The following COMMD1 variants were observed in gnomAD, a reference collection of about 807,000 sequenced individuals.
COMMD1 encodes COMM domain-containing protein 1.
A neutral mutation model predicts 17.2 loss-of-function variants in COMMD1; 10 were observed. That is an observed-to-expected ratio of 0.58 (90% CI 0.36 to 0.99). The LOEUF (loss-of-function observed/expected upper bound fraction) is 0.99, where lower values mean the gene tolerates loss of function less well. Among genes scored for constraint, COMMD1 ranks in the 50% least tolerant of loss-of-function variants. The probability of loss-of-function intolerance (pLI) is 0.01; values close to 1 mark genes in which losing one functional copy is unlikely to be tolerated. For synonymous variants in COMMD1, 97 were observed against 91.6 expected (o/e 1.06, Z -0.34); for missense variants, 270 against 231.8 (o/e 1.17, Z -1.07).
intron 2 of COMMD1, among the ~76,000 whole-genome samples, chr2:62,076,695 C>T (rs1009659704): frequency 3.3e-5 from 5 of 151,472 alleles, no homozygotes; most frequent in Admixed American, 2.6e-4. Flanking sequence ...TGCAGTGAGC[C>T]GAGATCACAC....
In COMMD1 at chr2:61,890,509, C is replaced by T. The variant is rs1486256587; in HGVS notation, n.119+1667C>T. Among the ~76,000 whole-genome samples the T allele has an allele frequency of 2.0e-5, 3 of 152,006 alleles. No individual in the cohort carries two copies. In the East Asian group the frequency reaches 5.8e-4, roughly 30 times the overall value. ...GCTAGGATTGCAGGCTTGGCGAGAGCCACCTCGCCAAGTTGTTCTTTAACA... is the reference window on the plus strand; with the variant it reads ...GCTAGGATTGCAGGCTTGGCGAGAGTCACCTCGCCAAGTTGTTCTTTAACA... On this transcript the variant is annotated intron_variant and non_coding_transcript_variant, in intron 1 of 2. Transcript: ENST00000472729.
At chr2:62,030,691 C>T (rs577614627) in intron 2 of COMMD1, among the ~76,000 whole-genome samples, 5 of 152,090 alleles carry the variant, frequency 3.3e-5, no homozygotes, top group Admixed American at 2.0e-4. Flanking sequence ...TTGTCATATA[C>T]GGTCTCTTAA....
intron 1 of COMMD1, chr2:61,915,556 A>G (rs1322156538): frequency 7.1e-6 from 2 of 283,522 alleles, no homozygotes; most frequent in South Asian, 6.4e-5. Context: ...TGGCATGATC[A>G]TGTCTCACTT....
rs1670195686 is a variant in COMMD1, at chr2:62,041,460, C to T, written c.462+40478C>T. Among the ~76,000 whole-genome samples the T allele has an allele frequency of 3.3e-5, 5 of 152,138 alleles. No individual in the cohort carries two copies. The South Asian group carries it at 8.3e-4, about 25-fold the overall frequency. On this transcript the variant is annotated intron_variant, in intron 2 of 2. Coordinates refer to ENST00000311832, the MANE Select transcript of COMMD1 (RefSeq NM_152516.4). ...CTCACTCTGTCACCACGTTGGAGTA[C>T]AGTGGTGCTATCATAGCTCACTGCA...
At chr2:62,101,633 A>G (rs1390355211) in intron 2 of COMMD1, among the ~76,000 whole-genome samples, 1 of 151,866 alleles carries the variant, frequency 6.6e-6, no homozygotes, top group Non-Finnish European at 1.5e-5. Flanking sequence ...ATATATATAT[A>G]TGGTCCCCAG....
chr2:61,918,318 T>C (rs1233145734), intron 1 of COMMD1, among the ~76,000 whole-genome samples: 4 of 152,246 alleles, frequency 2.6e-5, no homozygotes, highest in Non-Finnish European at 5.9e-5. Flanking sequence ...TGAACATTTT[T>C]GAGACTTTAG....
At chr2:62,116,611 G>C (rs1169726773) in intron 2 of COMMD1, among the ~76,000 whole-genome samples, 1 of 143,554 alleles carries the variant, frequency 7.0e-6, no homozygotes, top group Non-Finnish European at 1.5e-5. Flanking sequence ...GGCGGAGGTT[G>C]CAGTGAGCAA....
chr2:61,913,797 A>AG (rs1669975421), intron 1 of COMMD1, among the ~76,000 whole-genome samples: 3 of 90,900 alleles, frequency 3.3e-5, no homozygotes, highest in South Asian at 5.9e-4. Flanking sequence ...CTCCATCTCC[A>AG]AAAAAAAAAA....
chr2:62,003,886 G>T (rs767038027), intron 2 of COMMD1, among the ~76,000 whole-genome samples: 3 of 152,108 alleles, frequency 2.0e-5, no homozygotes, highest in Non-Finnish European at 4.4e-5. Context: ...TCAGTACTTT[G>T]GGAAGCTGAG....
intron 1 of COMMD1, among the ~76,000 whole-genome samples, chr2:61,968,073 A>G (rs1205550856): frequency 2.0e-5 from 3 of 152,172 alleles, no homozygotes; most frequent in African/African-American, 7.2e-5. Flanking sequence ...AGGCAGGAGA[A>G]CTGCTTGAAC....
At chr2:62,129,277 C>T (rs1455440370) in intron 2 of COMMD1, among the ~76,000 whole-genome samples, 1 of 152,180 alleles carries the variant, frequency 6.6e-6, no homozygotes, top group Non-Finnish European at 1.5e-5. Context: ...AATAACCTCT[C>T]TCTCCTCTTG....
chr2:62,085,221 A>ATTTTTTTTTTT (rs36006181), intron 2 of COMMD1, among the ~76,000 whole-genome samples: 2,896 of 144,008 alleles, frequency 0.02, 46 homozygotes, highest in East Asian at 0.061. Flanking sequence ...TACAGTTTGA[A>ATTTTTTTTTTT]TTTTTTTTTT....
intron 1 of COMMD1, among the ~76,000 whole-genome samples, chr2:61,971,307 C>T (rs574411992): frequency 3.9e-5 from 6 of 152,262 alleles, no homozygotes; most frequent in South Asian, 2.1e-4. Flanking sequence ...TCATTTGCTA[C>T]GGTTGGGTTG....
chr2:61,983,684 A>G (rs886501047), intron 1 of COMMD1, among the ~76,000 whole-genome samples: 3 of 151,710 alleles, frequency 2.0e-5, no homozygotes, highest in Non-Finnish European at 4.4e-5. Flanking sequence ...ATCAGTTGTA[A>G]TGTTTTCTTT....
intron 2 of COMMD1, among the ~76,000 whole-genome samples, chr2:62,010,643 C>T (rs1669251795): frequency 6.6e-6 from 1 of 152,154 alleles, no homozygotes; most frequent in Admixed American, 6.6e-5. Context: ...TTTCTCATCT[C>T]AGTTAGTGGC....
chr2:61,890,263 C>A (rs568947674), intron 1 of COMMD1, among the ~76,000 whole-genome samples: 30 of 152,210 alleles, frequency 2.0e-4, no homozygotes, highest in African/African-American at 6.7e-4. Context: ...CTCTTGTTGC[C>A]CAGGCTGGAG....
chr2:61,916,216 C>T (rs1238901854), intron 1 of COMMD1, among the ~76,000 whole-genome samples: 1 of 152,204 alleles, frequency 6.6e-6, no homozygotes, highest in Non-Finnish European at 1.5e-5. Context: ...CCTGCCTTGG[C>T]ATCCCAAAGT....
intron 2 of COMMD1, among the ~76,000 whole-genome samples, chr2:62,081,020 A>G (rs532782744): frequency 6.6e-6 from 1 of 152,216 alleles, no homozygotes; most frequent in African/African-American, 2.4e-5. Flanking sequence ...CAAACCAGAA[A>G]AAAAAAATTC....
At chr2:62,002,050 A>G (rs554739915) in intron 2 of COMMD1, among the ~76,000 whole-genome samples, 12 of 152,254 alleles carry the variant, frequency 7.9e-5, no homozygotes, top group African/African-American at 2.9e-4. Context: ...CATGCCTGTA[A>G]TCCTAGCTAC....
Sources: allele counts gnomAD v4.1 joint callset (sites outside exome capture counted in the v4.1 genomes callset), GRCh38; gene constraint gnomAD v4.1.1; transcripts MANE v1.5; gene names NCBI Gene and HGNC (gene_info 2026-07-23, HGNC 2026-07-21).